The following SPAG16 variants were observed in gnomAD, a reference collection of about 807,000 sequenced individuals.
SPAG16 encodes the protein sperm associated antigen 16.
A neutral mutation model predicts 80.4 loss-of-function variants in SPAG16; 86 were observed. That is an observed-to-expected ratio of 1.07 (90% CI 0.90 to 1.28). The LOEUF (loss-of-function observed/expected upper bound fraction) is 1.28. Among genes scored for constraint, SPAG16 ranks in the 50% most tolerant of loss-of-function variants. The pLI is 0.00. For synonymous variants in SPAG16, 294 were observed against 265.9 expected, an observed-to-expected ratio of 1.11 and a Z score of -1.03; for missense variants, 870 against 765.3, an observed-to-expected ratio of 1.14 and a Z score of -1.61.
rs1559653592 is a variant in SPAG16 at position 213,980,477 on chromosome 2, A to ATATATATAATATATATAGAATATATGTG, written c.1401-33409_1401-33382dup. Among the ~76,000 whole-genome samples the ATATATATAATATATATAGAATATATGTG allele has an allele frequency of 1.3e-3, 95 of 71,176 alleles. 13 individuals carry two copies. Among genetic ancestry groups the ATATATATAATATATATAGAATATATGTG allele is most frequent in the African/African-American group, 3.3e-3 (81 of 24,802 alleles). 46.7% of individuals were successfully genotyped at this position (71,176 alleles called of 152,430 possible). On this transcript the variant is annotated intron_variant, in intron 12 of 15. Transcript: ENST00000331683. Reference sequence around the variant, plus strand: ...ATATATATATAGAATATATGTGTGTATATATATAATATATATAGAATATAT... The same window carrying ATATATATAATATATATAGAATATATGTG: ...ATATATATATAGAATATATGTGTGTATATATATAATATATATAGAATATATGTGTATATATAATATATATAGAATATAT...
intron 10 of SPAG16, among the ~76,000 whole-genome samples, chr2:213,658,629 C>T (rs2063307873): frequency 6.6e-6 from 1 of 152,148 alleles, no homozygotes; most frequent in Non-Finnish European, 1.5e-5. Context: ...GCATGGGTAG[C>T]AGAGCTGGAT....
At chr2:213,993,835 A>G (rs1261062986) in intron 12 of SPAG16, among the ~76,000 whole-genome samples, 1 of 152,222 alleles carries the variant, frequency 6.6e-6, no homozygotes, top group African/African-American at 2.4e-5. Context: ...TAAAATGTAA[A>G]GACATGATAG....
intron 4 of SPAG16, among the ~76,000 whole-genome samples, chr2:213,314,969 C>T (rs1481600345): frequency 6.6e-6 from 1 of 151,186 alleles, no homozygotes; most frequent in African/African-American, 2.4e-5. Flanking sequence ...GGTCCTCTTG[C>T]TCTTTTTTTA....
At chr2:213,620,292 T>TG (rs2061730542) in intron 10 of SPAG16, among the ~76,000 whole-genome samples, 3 of 126,484 alleles carry the variant, frequency 2.4e-5, no homozygotes, top group Non-Finnish European at 5.0e-5. Context: ...TTTTTTTTTT[T>TG]TTTTTTTTTT....
chr2:214,089,761 G>C (rs1258283548), intron 13 of SPAG16, among the ~76,000 whole-genome samples: 1 of 151,932 alleles, frequency 6.6e-6, no homozygotes, highest in Non-Finnish European at 1.5e-5. Context: ...GGTTCTCTAA[G>C]AAATTCCATC....
intron 9 of SPAG16, among the ~76,000 whole-genome samples, chr2:213,475,842 G>A (rs1208142162): frequency 6.6e-6 from 1 of 152,188 alleles, no homozygotes; most frequent in Admixed American, 6.5e-5. Flanking sequence ...TGGGGACCTG[G>A]CCTAATAAGA....
intron 9 of SPAG16, among the ~76,000 whole-genome samples, chr2:213,389,685 T>TA (rs2067638756): frequency 1.3e-5 from 2 of 151,794 alleles, no homozygotes; most frequent in Admixed American, 6.6e-5. Context: ...AAAACTGCAG[T>TA]AGGGTATCAC....
intron 12 of SPAG16, among the ~76,000 whole-genome samples, chr2:213,993,564 G>A (rs965272135): frequency 6.6e-6 from 1 of 152,016 alleles, no homozygotes; most frequent in Non-Finnish European, 1.5e-5. Flanking sequence ...AAAAAACAAG[G>A]GATATGCAAC....
At chr2:213,683,718 C>G (rs1392605055) in intron 10 of SPAG16, among the ~76,000 whole-genome samples, 1 of 151,988 alleles carries the variant, frequency 6.6e-6, no homozygotes, top group African/African-American at 2.4e-5. Context: ...AGTCTATTGC[C>G]TTTCAGCCTT....
chr2:213,862,481 G>A lies in SPAG16; in HGVS notation c.1071-4G>A, dbSNP rs2248214. 48 of 1,612,568 alleles carry A rather than the reference G, an allele frequency of 3.0e-5. No homozygotes were observed. The highest frequency in any genetic ancestry group is 1.1e-4 in the African/African-American group (8 of 74,784). On this transcript the variant is annotated splice_region_variant and splice_polypyrimidine_tract_variant and intron_variant, in intron 10 of 15. Transcript: ENST00000331683. ...ATAACTCTTTTTTCTTTCTCCTCGC[G>A]CAGTGTCTCCATGCAACCCCACAAA...
intron 10 of SPAG16, among the ~76,000 whole-genome samples, chr2:213,822,568 C>T (rs1204119795): frequency 2.0e-5 from 3 of 152,060 alleles, no homozygotes; most frequent in Non-Finnish European, 2.9e-5. Context: ...GCTTTGATTG[C>T]CTGTGCTTGT....
chr2:213,586,778 C>G (rs1270662170), intron 10 of SPAG16, among the ~76,000 whole-genome samples: 2 of 152,298 alleles, frequency 1.3e-5, no homozygotes, highest in Non-Finnish European at 2.9e-5. Context: ...ATGGGGTAGA[C>G]ACGTAACATT....
chr2:213,363,053 T>A lies in SPAG16; in HGVS notation c.763-1023T>A, dbSNP rs1575369001. On this transcript the variant is annotated intron_variant, in intron 7 of 15. Coordinates refer to ENST00000331683, the MANE Select transcript of SPAG16 (RefSeq NM_024532.5). ...TTGTAAGGTGATATTCTGGATGCGATTTTGAAACATAAAAAGGATATTATG... is the reference window on the plus strand; with the variant it reads ...TTGTAAGGTGATATTCTGGATGCGAATTTGAAACATAAAAAGGATATTATG... Among the ~76,000 whole-genome samples, 10 of 17,224 alleles carry A rather than the reference T, an allele frequency of 5.8e-4. No individual in the cohort carries two copies. In the South Asian group the frequency reaches 0.12, roughly 200 times the overall value. The allele number at this position is 17,224 out of a possible 152,430, so 11.3% of individuals were successfully genotyped here. A position where few individuals can be genotyped will look rare whatever the true frequency, so the allele number is the denominator to read the frequency against.
At chr2:214,016,167 C>T (rs1048522546) in intron 13 of SPAG16, among the ~76,000 whole-genome samples, 1 of 152,082 alleles carries the variant, frequency 6.6e-6, no homozygotes, top group African/African-American at 2.4e-5. Flanking sequence ...AGTCTGTTCT[C>T]ACCCTGCTGA....
intron 12 of SPAG16, among the ~76,000 whole-genome samples, chr2:214,005,513 A>G (rs554531812): frequency 6.6e-5 from 10 of 152,272 alleles, no homozygotes; most frequent in Non-Finnish European, 1.0e-4. Context: ...CCTGGCCATG[A>G]TCCAACCTGG....
chr2:213,469,719 C>T (rs930335374), intron 9 of SPAG16, among the ~76,000 whole-genome samples: 1 of 151,898 alleles, frequency 6.6e-6, no homozygotes, highest in African/African-American at 2.4e-5. Flanking sequence ...CTGTGAGATG[C>T]CCTAATGGAT....
intron 15 of SPAG16, among the ~76,000 whole-genome samples, chr2:214,230,916 ATCTT>A (rs1410226101): frequency 6.6e-6 from 1 of 152,004 alleles, no homozygotes; most frequent in African/African-American, 2.4e-5. Context: ...CCATCTGTCT[ATCTT>A]GGGTCTCAAA....
intron 10 of SPAG16, among the ~76,000 whole-genome samples, chr2:213,567,353 G>A (rs2059808348): frequency 1.7e-5 from 2 of 116,952 alleles, no homozygotes; most frequent in African/African-American, 6.9e-5. Flanking sequence ...TCTAGCATTA[G>A]GTATATCTCC....
Position 213,980,743 on chromosome 2 carries a change from G to T in SPAG16, c.1401-33208G>T, listed in dbSNP as rs1241120184. On this transcript the variant is annotated intron_variant, in intron 12 of 15. Transcript: ENST00000331683. ...ATATATATAGAGAGAGAGAGAGAGA[G>T]AGAGAGAGAGAGAGAGTAAGCTGGG... Among the ~76,000 whole-genome samples the T allele has an allele frequency of 2.9e-5, 4 of 139,722 alleles. 1 individual carries two copies. The highest frequency in any genetic ancestry group is 1.5e-4 in the Admixed American group (2 of 13,614). The allele number at this position is 139,722 out of a possible 152,430, so 91.7% of individuals were successfully genotyped here. A position where few individuals can be genotyped will look rare whatever the true frequency, so the allele number is the denominator to read the frequency against.
Sources: gnomAD v4.1 joint callset for allele counts (sites outside exome capture counted in the v4.1 genomes callset) on GRCh38, gnomAD v4.1.1 for gene constraint, MANE v1.5 for transcripts, NCBI Gene and HGNC (gene_info 2026-07-23, HGNC 2026-07-21) for gene names.